The following AGAP1 variants were observed in gnomAD, a reference collection of about 807,000 sequenced individuals.
AGAP1 encodes the protein ArfGAP with GTPase domain, ankyrin repeat and PH domain 1, also known as arf-GAP with GTPase, ANK repeat and PH domain-containing protein 1.
AGAP1 carries 29 observed loss-of-function variants against 105.3 expected under a neutral mutation model. The ratio of observed to expected loss-of-function variants is 0.28; its 90% CI spans 0.21 to 0.38. AGAP1 has a LOEUF of 0.38. Among genes scored for constraint, AGAP1 ranks in the 10% least tolerant of loss-of-function variants. The pLI is 1.00. For synonymous variants in AGAP1, 509 were observed against 485.9 expected (o/e 1.05, Z -0.63); for missense variants, 998 against 1,165.1 (o/e 0.86, Z 2.09).
At chr2:235,494,890 C>G in intron 1 of AGAP1, 41 bp downstream of exon 1, 3 of 1,530,158 alleles carry the variant, frequency 2.0e-6, no homozygotes, top group South Asian at 1.2e-5. Context: ...AAGGCACGGA[C>G]GCCCGCGGCG....
rs2054142435 is a variant in AGAP1, at chr2:235,960,657, G to A, written c.1484-7805G>A. Among the ~76,000 whole-genome samples, 1 of 152,318 alleles carries A rather than the reference G, an allele frequency of 6.6e-6. No homozygotes were observed. Among genetic ancestry groups the A allele is most frequent in the South Asian group, 2.1e-4 (1 of 4,822 alleles). On this transcript the variant is annotated intron_variant, in intron 12 of 17. Coordinates refer to ENST00000304032, the MANE Select transcript of AGAP1 (RefSeq NM_001037131.3). This position sits in a 1 kb window ranked among gnomAD's most constrained non-coding sequence, Gnocchi z 4.9. ...CAAGAAAAATCGTCTTTTATGGAAGGCATCAAGCAAGAAATTTGATAGGCA... is the reference window on the plus strand; with the variant it reads ...CAAGAAAAATCGTCTTTTATGGAAGACATCAAGCAAGAAATTTGATAGGCA...
At chr2:235,918,256 G>T (rs1171632876) in intron 11 of AGAP1, among the ~76,000 whole-genome samples, 1 of 152,224 alleles carries the variant, frequency 6.6e-6, no homozygotes, top group African/African-American at 2.4e-5. Flanking sequence ...TAGACCATTT[G>T]CAAATGGAAG....
intron 1 of AGAP1, among the ~76,000 whole-genome samples, chr2:235,686,815 A>G (rs371975861): frequency 1.1e-4 from 16 of 150,170 alleles, no homozygotes; most frequent in Non-Finnish European, 2.1e-4. Flanking sequence ...CATCATGCCC[A>G]GCTAATTAAA....
Position 235,965,969 on chromosome 2 carries a change from G to T in AGAP1, c.1484-2493G>T, listed in dbSNP as rs539455334. On this transcript the variant is annotated intron_variant, in intron 12 of 17. Coordinates refer to ENST00000304032, the MANE Select transcript of AGAP1 (RefSeq NM_001037131.3). The surrounding 1 kb of genome is among the most constrained non-coding windows in gnomAD (Gnocchi z 5.8). ...CATTCCTCTAGGGATGGAGAGAGGG[G>T]AGTCCGTTCCTCTGGGGATGGAGAG... 1.4e-4 allele frequency among the ~76,000 whole-genome samples: 22 copies of T among 152,172 alleles called. No individual in the cohort carries two copies. The highest frequency in any genetic ancestry group is 5.3e-4 in the African/African-American group (22 of 41,514).
At chr2:235,525,824 G>A (rs1270037574) in intron 1 of AGAP1, among the ~76,000 whole-genome samples, 154 of 94,496 alleles carry the variant, frequency 1.6e-3, no homozygotes, top group African/African-American at 6.7e-3. Flanking sequence ...GACACATAAT[G>A]TGGAGGACTG....
rs1189372266 is a variant in AGAP1, at chr2:235,823,535, G to A, written c.1050+16204G>A. The stretch of plus-strand genomic sequence containing the variant: ...AAGGGACCCTCATCTTATACCTAGG[G>A]AAACTGAGTCCCAGGAAGGGTAAAG... On this transcript the variant is annotated intron_variant, in intron 9 of 17. Transcript: ENST00000304032. Among the ~76,000 whole-genome samples the A allele has an allele frequency of 2.6e-5, 4 of 152,160 alleles. No homozygotes were observed. The East Asian group carries it at 5.8e-4, about 22-fold the overall frequency.
At chr2:235,580,072 C>T (rs2149186429) in intron 1 of AGAP1, among the ~76,000 whole-genome samples, 1 of 152,296 alleles carries the variant, frequency 6.6e-6, no homozygotes, top group South Asian at 2.1e-4. Context: ...TGGTAGCATG[C>T]ATTGGTGCCT....
At chr2:235,856,103 G>A (rs1156287325) in intron 9 of AGAP1, among the ~76,000 whole-genome samples, 3 of 151,966 alleles carry the variant, frequency 2.0e-5, no homozygotes, top group Non-Finnish European at 4.4e-5. Context: ...TAGTAGAGGC[G>A]GGGTTTCATC....
intron 2 of AGAP1, among the ~76,000 whole-genome samples, chr2:235,715,055 C>T (rs1404422422): frequency 6.6e-6 from 1 of 152,202 alleles, no homozygotes; most frequent in African/African-American, 2.4e-5. Flanking sequence ...CTTCGGCCCC[C>T]CAAAGTGCCG....
At chr2:236,099,473 A>C (rs1322122144) in intron 16 of AGAP1, among the ~76,000 whole-genome samples, 2 of 151,966 alleles carry the variant, frequency 1.3e-5, no homozygotes, top group African/African-American at 2.4e-5. Flanking sequence ...AAAGAAAAGA[A>C]ATATGGTGCT....
chr2:235,695,150 T>C (rs1171762927), intron 1 of AGAP1, among the ~76,000 whole-genome samples: 1 of 152,192 alleles, frequency 6.6e-6, no homozygotes, highest in East Asian at 1.9e-4. Flanking sequence ...TAATTATGCT[T>C]GCCAGTGTTT....
At chr2:235,532,815 C>T (rs1202079017) in intron 1 of AGAP1, among the ~76,000 whole-genome samples, 1 of 152,202 alleles carries the variant, frequency 6.6e-6, no homozygotes, top group Non-Finnish European at 1.5e-5. Flanking sequence ...GTGAGCCGTG[C>T]CATTCCCTCC....
chr2:235,786,585 G>A (rs1477401475), intron 6 of AGAP1, among the ~76,000 whole-genome samples: 2 of 152,162 alleles, frequency 1.3e-5, no homozygotes, highest in African/African-American at 4.8e-5. Flanking sequence ...AGCTCTCTAA[G>A]AGATTCTGAA....
Position 236,124,217 on chromosome 2 carries a change from C to T in AGAP1, c.*95C>T. 7.4e-7 allele frequency: 1 copy of T among 1,358,476 alleles called. No individual in the cohort carries two copies. Among genetic ancestry groups the T allele is most frequent in the Non-Finnish European group, 1.0e-6 (1 of 987,896 alleles). 84.2% of individuals were successfully genotyped at this position (1,358,476 alleles called of 1,614,324 possible). Reference sequence around the variant, plus strand: ...CGCAGCACGTGAGTCCCGTCGCATCCCCTCCCTCTTCCTGGTGGCCACCTC... The same window carrying T: ...CGCAGCACGTGAGTCCCGTCGCATCTCCTCCCTCTTCCTGGTGGCCACCTC... On this transcript the variant is annotated 3_prime_UTR_variant, in exon 18 of 18. Transcript: ENST00000304032. This position sits in a 1 kb window ranked among gnomAD's most constrained non-coding sequence, Gnocchi z 5.1.
intron 8 of AGAP1, among the ~76,000 whole-genome samples, chr2:235,800,750 G>C (rs181696685): frequency 3.3e-5 from 5 of 152,226 alleles, no homozygotes; most frequent in Admixed American, 6.5e-5. Flanking sequence ...GGAAGGTAAA[G>C]GTTCTGCAGA....
At position 235,555,255 on chromosome 2, in the gene AGAP1, C is replaced by T. The variant is rs1277106667; in HGVS notation, c.163+60406C>T. Among the ~76,000 whole-genome samples the T allele has an allele frequency of 6.6e-6, 1 of 152,186 alleles. No homozygotes were observed. Among genetic ancestry groups the T allele is most frequent in the Non-Finnish European group, 1.5e-5 (1 of 68,034 alleles). Reference sequence around the variant, plus strand: ...GCCGCTCCCACCCACTTCTGTGATGCACAGAACCTGCCGCCCTGCCCTGTC... The same window carrying T: ...GCCGCTCCCACCCACTTCTGTGATGTACAGAACCTGCCGCCCTGCCCTGTC... On this transcript the variant is annotated intron_variant, in intron 1 of 17. Transcript: ENST00000304032. The surrounding 1 kb of genome is among the most constrained non-coding windows in gnomAD (Gnocchi z 5.1).
chr2:235,630,780 C>T (rs1244686547), intron 1 of AGAP1, among the ~76,000 whole-genome samples: 4 of 152,192 alleles, frequency 2.6e-5, no homozygotes, highest in Non-Finnish European at 5.9e-5. Context: ...CGGAACAGGA[C>T]CACCCTCCCT....
chr2:235,964,852 G>T lies in AGAP1; in HGVS notation c.1484-3610G>T, dbSNP rs2054326231. On this transcript the variant is annotated intron_variant, in intron 12 of 17. Coordinates refer to ENST00000304032, the MANE Select transcript of AGAP1 (RefSeq NM_001037131.3). This position sits in a 1 kb window ranked among gnomAD's most constrained non-coding sequence, Gnocchi z 4.6. The stretch of plus-strand genomic sequence containing the variant: ...CTGGCCGCACAGTCTAGGCTTGGGG[G>T]TAAGGTAAGAACTGGACCAGGGGTA... Among the ~76,000 whole-genome samples the T allele has an allele frequency of 6.6e-6, 1 of 152,162 alleles. No individual in the cohort carries two copies. The highest frequency in any genetic ancestry group is 2.1e-4 in the South Asian group (1 of 4,824).
chr2:236,087,632 C>T lies in AGAP1; in HGVS notation c.2115-32560C>T, dbSNP rs967802033. Among the ~76,000 whole-genome samples the T allele has an allele frequency of 1.3e-5, 2 of 152,116 alleles. No individual in the cohort carries two copies. The highest frequency in any genetic ancestry group is 1.3e-4 in the Admixed American group (2 of 15,264). On this transcript the variant is annotated intron_variant, in intron 16 of 17. Transcript: ENST00000304032. The surrounding 1 kb of genome is among the most constrained non-coding windows in gnomAD (Gnocchi z 5.7). ...TTGGTTAAGCGTGATAACATGATCACCTGGTGTTTTAAAGCTTTTCTCTGT... is the reference window on the plus strand; with the variant it reads ...TTGGTTAAGCGTGATAACATGATCATCTGGTGTTTTAAAGCTTTTCTCTGT...
Sources: gnomAD v4.1 joint callset for allele counts (sites outside exome capture counted in the v4.1 genomes callset) on GRCh38, gnomAD v4.1.1 for gene constraint, Gnocchi (gnomAD v3.1) non-coding constraint, MANE v1.5 for transcripts, NCBI Gene and HGNC (gene_info 2026-07-23, HGNC 2026-07-21) for gene names.